The following SMTNL2 variants were observed in gnomAD, a reference collection of about 807,000 sequenced individuals.
The protein encoded by SMTNL2 is smoothelin like 2.
A neutral mutation model predicts 44.1 loss-of-function variants in SMTNL2; 43 were observed. The observed-to-expected ratio is 0.98, with a 90% CI of 0.76 to 1.26. SMTNL2 has a LOEUF of 1.26. Ranked by LOEUF, SMTNL2 falls within the 50% of genes most tolerant of loss-of-function variation. The pLI is 0.00. For synonymous variants in SMTNL2, 317 were observed against 287.6 expected (o/e 1.10, Z -1.03); for missense variants, 646 against 670.2 (o/e 0.96, Z 0.40).
Position 4,592,502 on chromosome 17 carries a change from G to T in SMTNL2, c.487+54G>T. On this transcript the variant is annotated intron_variant, in intron 2 of 7. Coordinates refer to ENST00000389313, the MANE Select transcript of SMTNL2 (RefSeq NM_001114974.2). The surrounding 1 kb of genome is among the most constrained non-coding windows in gnomAD (Gnocchi z 4.5). ...TGGGTAGGTTTGGGGGTTAAGTAAG[G>T]CCTTGGTCAGGTATCTGTGCCAGGC... 6.5e-7 allele frequency: 1 copy of T among 1,539,126 alleles called. No homozygotes were observed. Among genetic ancestry groups the T allele is most frequent in the Non-Finnish European group, 8.9e-7 (1 of 1,129,460 alleles).
At chr17:4,597,097 G>A in intron 6 of SMTNL2, 75 bp from the exon 7 acceptor site, 1 of 1,561,010 alleles carries the variant, frequency 6.4e-7, no homozygotes, top group Non-Finnish European at 8.7e-7. Context: ...TTAAGGGGTA[G>A]GAACCACGGT....
At chr17:4,593,684 C>A (rs1909677149) in intron 3 of SMTNL2, 138 bp from the exon 4 acceptor site, 1 of 781,434 alleles carries the variant, frequency 1.3e-6, no homozygotes, top group Non-Finnish European at 2.1e-6. Flanking sequence ...TGAGGCAGGG[C>A]CAGCTTAGCC....
chr17:4,584,453 C>G (rs1909253166), upstream of SMTNL2: 4 of 854,444 alleles, frequency 4.7e-6, no homozygotes, highest in African/African-American at 3.5e-5. Context: ...GGAGTCGTCC[C>G]CGGCTCCGCC....
rs113750835 is a variant in SMTNL2, at chr17:4,591,051, A to G, written c.400-1310A>G. Among the ~76,000 whole-genome samples, 620 of 152,120 alleles carry G rather than the reference A, an allele frequency of 4.1e-3. 4 individuals carry two copies. Among genetic ancestry groups the G allele is most frequent in the African/African-American group, 0.014 (583 of 41,476 alleles). ...CCTCCCTTGCTCCTCCACCGGGCTCACTCTGGATGTGGCTCAGGCACCCCT... is the reference window on the plus strand; with the variant it reads ...CCTCCCTTGCTCCTCCACCGGGCTCGCTCTGGATGTGGCTCAGGCACCCCT... On this transcript the variant is annotated intron_variant, in intron 1 of 7. Transcript: ENST00000389313.
At chr17:4,606,532 T>C (rs950991373) in intron 7 of SMTNL2, among the ~76,000 whole-genome samples, 1 of 150,638 alleles carries the variant, frequency 6.6e-6, no homozygotes. Flanking sequence ...GAGGCTGAGG[T>C]GGGAAGATCG....
upstream of SMTNL2, chr17:4,584,493 C>G: frequency 1.7e-6 from 2 of 1,160,956 alleles, no homozygotes; most frequent in Non-Finnish European, 2.1e-6. Flanking sequence ...CCCGCCTCCC[C>G]GGCAGCCCCT....
intron 1 of SMTNL2, among the ~76,000 whole-genome samples, chr17:4,591,653 T>C (rs1198455254): frequency 6.6e-6 from 1 of 152,140 alleles, no homozygotes; most frequent in East Asian, 1.9e-4. Context: ...CCTGCTCCCG[T>C]TTCTCAAACA....
chr17:4,607,650 C>A lies in SMTNL2; in HGVS notation c.*163C>A. On this transcript the variant is annotated 3_prime_UTR_variant, in exon 8 of 8. Transcript: ENST00000389313. The surrounding 1 kb of genome is among the most constrained non-coding windows in gnomAD (Gnocchi z 4.7). ...CTCCCCTTCGAGCCCAGCTGTGTTA[C>A]TGATTAAAAGTACTGCTGAGCTGTG... is the stretch of plus-strand genomic sequence containing the variant. The A allele has an allele frequency of 8.4e-7, 1 of 1,184,704 alleles. No individual in the cohort carries two copies. Among genetic ancestry groups the A allele is most frequent in the Non-Finnish European group, 1.2e-6 (1 of 861,118 alleles). The allele number at this position is 1,184,704 out of a possible 1,614,324, so 73.4% of individuals were successfully genotyped here.
At position 4,607,405 on chromosome 17, in the gene SMTNL2, T is replaced by C. The variant is rs1329215713; in HGVS notation, c.1304T>C (p.Met435Thr). 3.1e-6 allele frequency: 5 copies of C among 1,614,148 alleles called. No homozygotes were observed. Among genetic ancestry groups the C allele is most frequent in the East Asian group, 4.5e-5 (2 of 44,880 alleles). Residue 435 changes from methionine to threonine, a missense_variant, in exon 8 of 8, where the codon ATG (methionine) becomes ACG (threonine). By Grantham distance (81) the Met-to-Thr change is moderately conservative (BLOSUM62 -1). Transcript: ENST00000389313. The surrounding 1 kb of genome is among the most constrained non-coding windows in gnomAD (Gnocchi z 4.7). The stretch of plus-strand genomic sequence containing the variant: ...CGCCTCATCGAAGTGGAGGACATGA[T>C]GGTGATGGGCCGCAAGCCGGACCCC... ...CERLIEVEDM[M>T]VMGRKPDPMC... is the part of the protein sequence containing the mutation.
At position 4,592,326 on chromosome 17, in the gene SMTNL2, C is replaced by A. The variant is rs181667966; in HGVS notation, c.400-35C>A. On this transcript the variant is annotated intron_variant, in intron 1 of 7. Coordinates refer to ENST00000389313, the MANE Select transcript of SMTNL2 (RefSeq NM_001114974.2). The surrounding 1 kb of genome is among the most constrained non-coding windows in gnomAD (Gnocchi z 4.5). ...TTTGGGGGTGGGCAGCTGGCCCTAG[C>A]TGATGGGGTCTCGGTGACATTTGTG... is the stretch of plus-strand genomic sequence containing the variant. 3.5e-5 allele frequency: 56 copies of A among 1,607,140 alleles called. No individual in the cohort carries two copies. The highest frequency in any genetic ancestry group is 2.5e-4 in the Admixed American group (15 of 59,970).
chr17:4,584,505 G>C (rs1567629888), upstream of SMTNL2: 7 of 1,186,958 alleles, frequency 5.9e-6, no homozygotes, highest in Non-Finnish European at 6.3e-6. Flanking sequence ...GCAGCCCCTC[G>C]AGCGAAGCCA....
intron 1 of SMTNL2, among the ~76,000 whole-genome samples, chr17:4,591,331 G>A (rs1003226964): frequency 3.3e-5 from 5 of 152,364 alleles, no homozygotes; most frequent in African/African-American, 4.8e-5. Context: ...CAAGCCGCTC[G>A]TCCTGGGCTC....
intron 4 of SMTNL2, 129 bp downstream of exon 4, chr17:4,594,026 G>C (rs1363863255): frequency 2.3e-6 from 2 of 873,272 alleles, no homozygotes; most frequent in South Asian, 1.5e-5. Context: ...GATCTCGGGA[G>C]CACTGGGCGG....
At chr17:4,594,943 G>T (rs906663743) in intron 4 of SMTNL2, 10 of 664,490 alleles carry the variant, frequency 1.5e-5, no homozygotes, top group Non-Finnish European at 2.3e-5. Flanking sequence ...CCTGAGTTGA[G>T]CCTATTGGCC....
At chr17:4,599,447 C>T (rs1054249984) in intron 7 of SMTNL2, among the ~76,000 whole-genome samples, 3 of 152,140 alleles carry the variant, frequency 2.0e-5, no homozygotes, top group Non-Finnish European at 4.4e-5. Flanking sequence ...GTCAGGGTAT[C>T]GGGGTGGATA....
At chr17:4,588,428 G>C (rs1001411464) in intron 1 of SMTNL2, among the ~76,000 whole-genome samples, 3 of 152,318 alleles carry the variant, frequency 2.0e-5, no homozygotes, top group African/African-American at 4.8e-5. Context: ...GGGAATCTTG[G>C]GGGGTACCAG....
Position 4,595,469 on chromosome 17 carries a change from G to A in SMTNL2, c.989+142G>A. ...GCCCAGGACAAGATCTCTTGGGCAA[G>A]GCACAAAGTTAGGGCTGGGCCACAG... On this transcript the variant is annotated intron_variant, in intron 5 of 7. Coordinates refer to ENST00000389313, the MANE Select transcript of SMTNL2 (RefSeq NM_001114974.2). This position sits in a 1 kb window ranked among gnomAD's most constrained non-coding sequence, Gnocchi z 5.1. The A allele has an allele frequency of 7.9e-7, 1 of 1,260,808 alleles. No individual in the cohort carries two copies. The highest frequency in any genetic ancestry group is 1.1e-6 in the Non-Finnish European group (1 of 924,402). The allele number at this position is 1,260,808 out of a possible 1,614,324, so 78.1% of individuals were successfully genotyped here.
rs1909749824 is a variant in SMTNL2 at position 4,595,118 on chromosome 17, G to A, written c.807-27G>A. On this transcript the variant is annotated intron_variant, in intron 4 of 7. Transcript: ENST00000389313. The surrounding 1 kb of genome is among the most constrained non-coding windows in gnomAD (Gnocchi z 5.1). ...AGCTAGTGATGGCTGCTGGGCCCAGGTCCCAACTCGGCGATTCTTTCCTCA... is the reference window on the plus strand; with the variant it reads ...AGCTAGTGATGGCTGCTGGGCCCAGATCCCAACTCGGCGATTCTTTCCTCA... 1.9e-6 allele frequency: 3 copies of A among 1,612,872 alleles called. No homozygotes were observed. Among genetic ancestry groups the A allele is most frequent in the East Asian group, 2.2e-5 (1 of 44,884 alleles).
chr17:4,602,479 T>C (rs896142807), intron 7 of SMTNL2, among the ~76,000 whole-genome samples: 1 of 151,862 alleles, frequency 6.6e-6, no homozygotes, highest in Non-Finnish European at 1.5e-5. Flanking sequence ...TGCGCCACCA[T>C]GCCCAGCTAA....
Sources: gnomAD v4.1 joint callset for allele counts (sites outside exome capture counted in the v4.1 genomes callset) on GRCh38, gnomAD v4.1.1 for gene constraint, Gnocchi (gnomAD v3.1) non-coding constraint, MANE v1.5 for transcripts, NCBI Gene and HGNC (gene_info 2026-07-23, HGNC 2026-07-21) for gene names.